Variants in USP53 observed in about 807,000 individuals in gnomAD.
USP53 encodes the protein ubiquitin specific peptidase 53.
USP53 carries 71 observed loss-of-function variants against 94.9 expected under a neutral mutation model. The ratio of observed to expected loss-of-function variants is 0.75; its 90% CI spans 0.62 to 0.91. USP53 has a LOEUF of 0.91. Among genes scored for constraint, USP53 ranks in the 40% least tolerant of loss-of-function variants. The pLI is 0.00. For missense variants in USP53, 1,173 were observed against 1,281.0 expected (o/e 0.92, Z 1.29); for synonymous variants, 375 against 422.7 (o/e 0.89, Z 1.39).
chr4:119,273,511 A>C, intron 16 of USP53, 121 bp from the exon 17 acceptor site: 1 of 620,956 alleles, frequency 1.6e-6, no homozygotes, highest in Admixed American at 3.0e-5. Context: ...TAAATAATGT[A>C]CATTAAGCCC....
At position 119,271,615 on chromosome 4, in the gene USP53, A is replaced by T. The variant is rs1257262890; in HGVS notation, c.1755A>T (p.Lys585Asn). Residue 585 changes from lysine (K) to asparagine (N), a missense_variant, in exon 16 of 19, where the codon AAA becomes AAT. Physicochemically the swap from Lys to Asn is moderately conservative, Grantham distance 94. Transcript: ENST00000692078. ...SSSKSRNRGW[K>N]PMRETLNVDS... is the part of the protein sequence containing the mutation. ...GTAAAAGCCGGAACCGAGGTTGGAAACCTATGAGAGAAACATTAAATGTTG... is the reference window on the plus strand; with the variant it reads ...GTAAAAGCCGGAACCGAGGTTGGAATCCTATGAGAGAAACATTAAATGTTG... The T allele has an allele frequency of 6.2e-7, 1 of 1,613,648 alleles. No individual in the cohort carries two copies. Among genetic ancestry groups the T allele is most frequent in the Non-Finnish European group, 8.5e-7 (1 of 1,180,036 alleles).
intron 3 of USP53, chr4:119,218,936 G>T (rs1744156328): frequency 6.6e-6 from 1 of 152,118 alleles, no homozygotes; most frequent in African/African-American, 2.4e-5. Context: ...GTGAAAAGAT[G>T]TTAATATGAA....
chr4:119,245,313 C>T (rs768558755), intron 5 of USP53, 24 bp from the exon 6 acceptor site: 5 of 1,604,730 alleles, frequency 3.1e-6, no homozygotes, highest in Non-Finnish European at 3.4e-6. Context: ...ATTTCTTTTT[C>T]CTTAACATCT....
At chr4:119,266,659 G>A (rs56049207) in intron 12 of USP53, among the ~76,000 whole-genome samples, 3,204 of 151,258 alleles carry the variant, frequency 0.021, 115 homozygotes, top group African/African-American at 0.073. Flanking sequence ...TTATTAATGT[G>A]TTGTAGGAAT....
intron 17 of USP53, among the ~76,000 whole-genome samples, chr4:119,283,478 G>T (rs984383065): frequency 3.9e-5 from 6 of 151,950 alleles, no homozygotes; most frequent in African/African-American, 1.2e-4. Flanking sequence ...AAAGACTGTG[G>T]TGGTGGTAGT....
At chr4:119,281,377 T>G (rs1490201038) in intron 17 of USP53, among the ~76,000 whole-genome samples, 7 of 152,338 alleles carry the variant, frequency 4.6e-5, no homozygotes, top group African/African-American at 1.7e-4. Flanking sequence ...TTAAAGTTTT[T>G]TAGTCTTTGT....
chr4:119,291,143 TCCCCA>T lies in USP53; in HGVS notation c.2252-13_2252-9del. 21 of 747,502 alleles carry T rather than the reference TCCCCA, an allele frequency of 2.8e-5. No individual in the cohort carries two copies. The highest frequency in any genetic ancestry group is 4.1e-5 in the Non-Finnish European group (19 of 468,384). 46.3% of individuals were successfully genotyped at this position (747,502 alleles called of 1,614,324 possible). On this transcript the variant is annotated splice_polypyrimidine_tract_variant and intron_variant, in intron 17 of 18. Coordinates refer to ENST00000692078, the MANE Select transcript of USP53 (RefSeq NM_001371395.1). ...ATAATTTTGTTTTCCTCATCTCTTC[TCCCCA>T]CCCCACCCAACCCTAGGCTTTAGAA...
intron 9 of USP53, 49 bp from the exon 10 acceptor site, chr4:119,259,771 A>G: frequency 6.9e-7 from 1 of 1,444,932 alleles, no homozygotes; most frequent in Non-Finnish European, 9.6e-7. Flanking sequence ...GTAATTTATT[A>G]AAGTTTTAAG....
Position 119,259,050 on chromosome 4 carries a change from G to A in USP53, c.570-770G>A, listed in dbSNP as rs1750133628. 2.0e-5 allele frequency among the ~76,000 whole-genome samples: 3 copies of A among 152,266 alleles called. No homozygotes were observed. The South Asian group carries it at 6.2e-4, about 32-fold the overall frequency. On this transcript the variant is annotated intron_variant, in intron 9 of 18. Transcript: ENST00000692078. ...AATCCCAGCACTTTGAGAGTCCGAG[G>A]TGGTTGGATCACTTGAGGTCAGGAG...
At chr4:119,238,082 T>A (rs1747023420) in intron 4 of USP53, among the ~76,000 whole-genome samples, 1 of 152,216 alleles carries the variant, frequency 6.6e-6, no homozygotes, top group South Asian at 2.1e-4. Context: ...CACTTTCTTA[T>A]CATTCAGGTG....
chr4:119,256,659 T>C (rs973220035), intron 9 of USP53, 136 bp downstream of exon 9: 10 of 877,256 alleles, frequency 1.1e-5, no homozygotes, highest in Non-Finnish European at 1.8e-5. Context: ...TGCTGTGAGA[T>C]GTATTAAGTG....
At chr4:119,258,429 A>G (rs549387411) in intron 9 of USP53, among the ~76,000 whole-genome samples, 2 of 152,360 alleles carry the variant, frequency 1.3e-5, no homozygotes, top group Admixed American at 6.5e-5. Flanking sequence ...GTACAATCAG[A>G]ACATCTAGAA....
chr4:119,229,224 T>C (rs1745727982), intron 3 of USP53, among the ~76,000 whole-genome samples: 1 of 152,198 alleles, frequency 6.6e-6, no homozygotes, highest in Admixed American at 6.5e-5. Context: ...GACTAAAATA[T>C]TGTCCTTTTG....
chr4:119,258,197 C>A (rs775018056), intron 9 of USP53, among the ~76,000 whole-genome samples: 2 of 152,112 alleles, frequency 1.3e-5, no homozygotes, highest in Non-Finnish European at 2.9e-5. Flanking sequence ...AAACCCAGAT[C>A]GGTCTGACTT....
At chr4:119,224,908 A>G (rs1745036791) in intron 3 of USP53, among the ~76,000 whole-genome samples, 2 of 152,214 alleles carry the variant, frequency 1.3e-5, no homozygotes, top group African/African-American at 2.4e-5. Flanking sequence ...GAAAAAGAAG[A>G]GCAAATTAAG....
chr4:119,213,379 C>G (rs1487770844), intron 1 of USP53, among the ~76,000 whole-genome samples: 1 of 151,878 alleles, frequency 6.6e-6, no homozygotes, highest in Non-Finnish European at 1.5e-5. Flanking sequence ...GGTGGTTTCT[C>G]AGTGGTAGTG....
chr4:119,256,215 A>C, intron 7 of USP53, 31 bp from the exon 8 acceptor site: 2 of 1,539,198 alleles, frequency 1.3e-6, no homozygotes, highest in South Asian at 2.3e-5. Flanking sequence ...CAAGATCAAC[A>C]ACTCATTTAT....
intron 7 of USP53, among the ~76,000 whole-genome samples, chr4:119,253,673 A>G (rs1044781018): frequency 7.9e-5 from 12 of 152,020 alleles, no homozygotes; most frequent in Non-Finnish European, 1.5e-4. Flanking sequence ...TCTTTATCCA[A>G]TTTGCCAGTC....
At chr4:119,240,570 AATAC>A (rs1391168788) in intron 5 of USP53, among the ~76,000 whole-genome samples, 1 of 152,184 alleles carries the variant, frequency 6.6e-6, no homozygotes, top group East Asian at 1.9e-4. Context: ...GAAGATTTAG[AATAC>A]TGATAACTTT....
Sources: gnomAD v4.1 joint callset for allele counts (sites outside exome capture counted in the v4.1 genomes callset) on GRCh38, gnomAD v4.1.1 for gene constraint, MANE v1.5 for transcripts, NCBI Gene and HGNC (gene_info 2026-07-23, HGNC 2026-07-21) for gene names.